Variants in SLC44A1 observed in about 807,000 individuals in gnomAD.
The protein encoded by SLC44A1 is solute carrier family 44 member 1, also known as choline transporter-like protein 1.
A neutral mutation model predicts 79.3 loss-of-function variants in SLC44A1; 26 were observed. The observed-to-expected ratio is 0.33, with a 90% CI of 0.24 to 0.46. The LOEUF (loss-of-function observed/expected upper bound fraction) is 0.46, where lower values mean the gene tolerates loss of function less well. SLC44A1 is among the 20% of genes least tolerant of loss of function. The pLI, the probability that SLC44A1 is intolerant of heterozygous loss-of-function variation, is 1.00. For missense variants in SLC44A1, 688 were observed against 798.1 expected, an observed-to-expected ratio of 0.86 and a Z score of 1.66; for synonymous variants, 263 against 286.2, an observed-to-expected ratio of 0.92 and a Z score of 0.82.
chr9:105,311,255 G>A (rs921932826), intron 3 of SLC44A1, among the ~76,000 whole-genome samples: 1 of 152,058 alleles, frequency 6.6e-6, no homozygotes, highest in African/African-American at 2.4e-5. Context: ...GAGTTCCACA[G>A]TACTATTTTT....
chr9:105,425,425 A>G (rs899668508), intron 15 of SLC44A1, among the ~76,000 whole-genome samples: 6 of 152,196 alleles, frequency 3.9e-5, no homozygotes, highest in African/African-American at 1.4e-4. Flanking sequence ...AGAGGTACAT[A>G]ATGTAGTTGC....
intron 3 of SLC44A1, among the ~76,000 whole-genome samples, chr9:105,313,684 C>CTA (rs1254536471): frequency 6.6e-6 from 1 of 152,040 alleles, no homozygotes; most frequent in East Asian, 1.9e-4. Context: ...TCTAGATTGT[C>CTA]TACAATCTTT....
intron 1 of SLC44A1, among the ~76,000 whole-genome samples, chr9:105,248,244 T>C (rs988672565): frequency 7.9e-5 from 12 of 152,230 alleles, no homozygotes; most frequent in South Asian, 2.1e-4. Flanking sequence ...TTTTGAAATA[T>C]AATTTATTTT....
chr9:105,275,221 T>C (rs540140419), intron 1 of SLC44A1, among the ~76,000 whole-genome samples: 39 of 152,204 alleles, frequency 2.6e-4, no homozygotes, highest in Non-Finnish European at 5.3e-4. Context: ...TCTCAATTTG[T>C]TGTAATGCTA....
chr9:105,337,100 C>T (rs1453526581), intron 4 of SLC44A1, among the ~76,000 whole-genome samples: 1 of 152,162 alleles, frequency 6.6e-6, no homozygotes, highest in Non-Finnish European at 1.5e-5. Flanking sequence ...TGTTGCTGAG[C>T]CTCATACCAG....
At chr9:105,366,521 G>T in intron 12 of SLC44A1, 92 bp downstream of exon 12, 1 of 562,760 alleles carries the variant, frequency 1.8e-6, no homozygotes. Context: ...AAGATGTTAT[G>T]TTTTTCTTGT....
At chr9:105,373,442 TA>T (rs1460263870) in intron 12 of SLC44A1, among the ~76,000 whole-genome samples, 5 of 152,208 alleles carry the variant, frequency 3.3e-5, no homozygotes, top group Admixed American at 6.5e-5. Flanking sequence ...AGTCTGTGAC[TA>T]GTAGGTCAAA....
At position 105,316,021 on chromosome 9, in the gene SLC44A1, G is replaced by A. The variant is rs189195653; in HGVS notation, c.269+6155G>A. ...AAAATAACAAGCGACCTAAGTGGTT[G>A]AAAAAAGCGTTTGGTTAAATTCATT... On this transcript the variant is annotated intron_variant, in intron 3 of 15. Coordinates refer to ENST00000374720, the MANE Select transcript of SLC44A1 (RefSeq NM_080546.5). Among the ~76,000 whole-genome samples the A allele has an allele frequency of 1.1e-4, 16 of 152,268 alleles. No individual in the cohort carries two copies. The East Asian group carries it at 2.1e-3, about 20-fold the overall frequency.
intron 1 of SLC44A1, among the ~76,000 whole-genome samples, chr9:105,277,284 C>T (rs148421948): frequency 6.1e-4 from 93 of 152,314 alleles, no homozygotes; most frequent in Non-Finnish European, 1.8e-4. Context: ...GACAATGGAA[C>T]GTGAGTGTGG....
chr9:105,372,722 G>A (rs1027888047), intron 12 of SLC44A1, among the ~76,000 whole-genome samples: 9 of 148,352 alleles, frequency 6.1e-5, no homozygotes, highest in African/African-American at 9.7e-5. Flanking sequence ...AGGCCAAGGC[G>A]GGCGGATCAC....
At chr9:105,249,957 C>A (rs1280276409) in intron 1 of SLC44A1, among the ~76,000 whole-genome samples, 1 of 145,548 alleles carries the variant, frequency 6.9e-6, no homozygotes, top group Non-Finnish European at 1.5e-5. Flanking sequence ...CAGCTTTGAT[C>A]TTCTGGGCTC....
chr9:105,316,758 G>A (rs1179427239), intron 3 of SLC44A1, among the ~76,000 whole-genome samples: 1 of 152,196 alleles, frequency 6.6e-6, no homozygotes, highest in Admixed American at 6.5e-5. Context: ...CAGCAGGCTG[G>A]TGGGGAGAGG....
At chr9:105,366,768 C>T (rs562272675) in intron 12 of SLC44A1, among the ~76,000 whole-genome samples, 1 of 152,106 alleles carries the variant, frequency 6.6e-6, no homozygotes, top group African/African-American at 2.4e-5. Flanking sequence ...CCTTAATTCA[C>T]ATTCCTTCAT....
chr9:105,361,987 C>T (rs1827794167), intron 8 of SLC44A1, among the ~76,000 whole-genome samples: 1 of 152,162 alleles, frequency 6.6e-6, no homozygotes, highest in Non-Finnish European at 1.5e-5. Context: ...GATTGTGTCA[C>T]TGCATTACAG....
chr9:105,435,973 G>A (rs554444340), intron 15 of SLC44A1, among the ~76,000 whole-genome samples: 13 of 152,184 alleles, frequency 8.5e-5, no homozygotes, highest in Non-Finnish European at 1.6e-4. Flanking sequence ...CAAGGCCTGC[G>A]GACCACCTGA....
intron 3 of SLC44A1, among the ~76,000 whole-genome samples, chr9:105,321,039 A>T (rs565268647): frequency 1.6e-4 from 24 of 152,286 alleles, no homozygotes; most frequent in African/African-American, 5.5e-4. Flanking sequence ...TCTTAGTGAC[A>T]TCTTTTGATG....
intron 15 of SLC44A1, chr9:105,386,009 T>C (rs992299433): frequency 2.0e-6 from 2 of 985,256 alleles, no homozygotes; most frequent in African/African-American, 3.5e-5. Flanking sequence ...GCCTAGGTTG[T>C]ACTTTCTTTG....
chr9:105,299,291 C>G lies in SLC44A1; in HGVS notation c.108C>G (p.Ile36Met), dbSNP rs372582450. The change falls in exon 2 of 16, where the codon ATC becomes ATG. Residue 36 changes from isoleucine (I) to methionine (M), a missense_variant. Transcript: ENST00000374720. ...CTDIPWLLLF[I>M]LFCIGMGFIC... ...ACATACCATGGCTGCTGCTCTTCAT[C>G]CTCTTCTGCATTGGGATGGTAAGGA... 6.3e-6 allele frequency: 10 copies of G among 1,590,950 alleles called. No individual in the cohort carries two copies. The East Asian group carries it at 1.1e-4, about 18-fold the overall frequency.
chr9:105,414,210 G>A (rs546730990), intron 15 of SLC44A1, among the ~76,000 whole-genome samples: 17 of 152,070 alleles, frequency 1.1e-4, no homozygotes, highest in African/African-American at 4.1e-4. Flanking sequence ...TTACAGGCAC[G>A]CCCACCATGC....
Sources: gnomAD v4.1 joint callset for allele counts (sites outside exome capture counted in the v4.1 genomes callset) on GRCh38, gnomAD v4.1.1 for gene constraint, MANE v1.5 for transcripts, NCBI Gene and HGNC (gene_info 2026-07-23, HGNC 2026-07-21) for gene names.